The following SECISBP2 variants were observed in gnomAD, a reference collection of about 807,000 sequenced individuals.
The protein encoded by SECISBP2 is selenocysteine insertion sequence-binding protein 2.
Under a neutral mutation model 98.2 loss-of-function variants are expected in SECISBP2, and 96 were observed. The observed-to-expected ratio is 0.98, with a 90% CI of 0.83 to 1.16. The LOEUF (loss-of-function observed/expected upper bound fraction) is 1.16. SECISBP2 is among the 50% of genes most tolerant of loss of function. The probability of loss-of-function intolerance (pLI) is 0.00; values close to 1 mark genes in which losing one functional copy is unlikely to be tolerated. For synonymous variants in SECISBP2, 407 were observed against 370.2 expected, an observed-to-expected ratio of 1.10 and a Z score of -1.14; for missense variants, 1,046 against 1,022.9, an observed-to-expected ratio of 1.02 and a Z score of -0.31.
At position 89,349,917 on chromosome 9, in the gene SECISBP2, G is replaced by A. The variant is rs149816537; in HGVS notation, c.1880G>A (p.Arg627His). Reference sequence around the variant, plus strand: ...ACCACCTTCCCTAAGATCCACAGCCGCAGATTCAGGGAGTGAGTGAGCCCC... The same window carrying A: ...ACCACCTTCCCTAAGATCCACAGCCACAGATTCAGGGAGTGAGTGAGCCCC... ...NHTTFPKIHS[R>H]RFRDYCSQML... The change falls in exon 13 of 17, where the codon CGC becomes CAC. Residue 627 changes from arginine to histidine, a missense_variant. Physicochemically the swap from Arg to His is conservative, Grantham distance 29. Transcript: ENST00000375807. The A allele has an allele frequency of 7.1e-5, 115 of 1,614,040 alleles. No homozygotes were observed. The highest frequency in any genetic ancestry group is 2.4e-4 in the South Asian group (22 of 91,084).
In SECISBP2 at chr9:89,345,587, G is replaced by A. The variant is rs147381054; in HGVS notation, c.1436-1295G>A. 2.6e-3 allele frequency among the ~76,000 whole-genome samples: 398 copies of A among 152,318 alleles called. 1 individual carries two copies. Among genetic ancestry groups the A allele is most frequent in the Non-Finnish European group, 4.7e-3 (320 of 68,022 alleles). Reference sequence around the variant, plus strand: ...TTGAACTTCGTGGTTGTTTTTGTGGGAGGGAATGGTTGATCTTCCTCTGTT... The same window carrying A: ...TTGAACTTCGTGGTTGTTTTTGTGGAAGGGAATGGTTGATCTTCCTCTGTT... On this transcript the variant is annotated intron_variant, in intron 10 of 16. Coordinates refer to ENST00000375807, the MANE Select transcript of SECISBP2 (RefSeq NM_024077.5).
chr9:89,325,787 A>T, intron 3 of SECISBP2, 110 bp from the exon 4 acceptor site: 1 of 1,591,458 alleles, frequency 6.3e-7, no homozygotes, highest in Non-Finnish European at 8.6e-7. Context: ...ATTTTTTTGT[A>T]TTTAACCTTT....
chr9:89,334,742 T>A lies in SECISBP2; in HGVS notation c.1089+12T>A. ...ATCCTACCCAAAAGGTACGTGTCACTAGAGACAGAAAGTAGGATGGTGGTT... is the reference window on the plus strand; with the variant it reads ...ATCCTACCCAAAAGGTACGTGTCACAAGAGACAGAAAGTAGGATGGTGGTT... On this transcript the variant is annotated intron_variant, in intron 7 of 16. Coordinates refer to ENST00000375807, the MANE Select transcript of SECISBP2 (RefSeq NM_024077.5). 1 of 1,600,558 alleles carries A rather than the reference T, an allele frequency of 6.2e-7. No individual in the cohort carries two copies. The highest frequency in any genetic ancestry group is 2.2e-5 in the East Asian group (1 of 44,800).
chr9:89,366,464 C>T, the SECISBP2 span, among the ~76,000 whole-genome samples: 1 of 152,182 alleles, frequency 6.6e-6, no homozygotes. Flanking sequence ...CCATCTGGCC[C>T]TGGCCTGGTG....
chr9:89,318,955 G>A (rs1825197654), intron 1 of SECISBP2: 2 of 1,140,958 alleles, frequency 1.8e-6, no homozygotes, highest in African/African-American at 1.6e-5. Context: ...TGTTTTAAAG[G>A]ATCCTGCGTT....
chr9:89,350,830 C>T lies in SECISBP2; in HGVS notation c.2091C>T (p.Asn697=). The T allele has an allele frequency of 6.2e-7, 1 of 1,614,080 alleles. No homozygotes were observed. Among genetic ancestry groups the T allele is most frequent in the Non-Finnish European group, 8.5e-7 (1 of 1,179,928 alleles). The change falls in exon 14 of 17, where the codon AAC becomes AAT. Residue 697 remains asparagine (N), a synonymous_variant. Transcript: ENST00000375807. ...KKLKCVIISP[N]CEKIQSKGGL... is the part of the protein sequence containing the mutation. ...TGAAATGTGTCATTATTTCTCCCAA[C>T]TGTGAGAAGATACAGTCAAAAGGTA...
downstream of SECISBP2, among the ~76,000 whole-genome samples, chr9:89,363,075 G>C (rs1832955848): frequency 6.6e-6 from 1 of 152,228 alleles, no homozygotes; most frequent in Non-Finnish European, 1.5e-5. Context: ...CATCTGTCCA[G>C]GTTTCCTGCC....
chr9:89,344,867 C>T (rs1428087987), intron 10 of SECISBP2, among the ~76,000 whole-genome samples: 1 of 152,082 alleles, frequency 6.6e-6, no homozygotes, highest in African/African-American at 2.4e-5. Flanking sequence ...GGAACTGCTA[C>T]TTTATACAGC....
Position 89,334,447 on chromosome 9 carries a change from A to G in SECISBP2, c.881-75A>G, listed in dbSNP as rs552665403. ...ATGCTCTGAGCAGTTACCTCATGTA[A>G]TGCATGTTTGAGTAACTAAGGAATT... is the stretch of plus-strand genomic sequence containing the variant. On this transcript the variant is annotated intron_variant, in intron 6 of 16. Transcript: ENST00000375807. 249 of 1,188,440 alleles carry G rather than the reference A, an allele frequency of 2.1e-4. 2 individuals carry two copies. In the South Asian group the frequency reaches 2.8e-3, roughly 13 times the overall value. The allele number at this position is 1,188,440 out of a possible 1,614,324, so 73.6% of individuals were successfully genotyped here.
At chr9:89,323,878 A>G (rs1333207617) in intron 2 of SECISBP2, 1 of 152,222 alleles carries the variant, frequency 6.6e-6, no homozygotes, top group African/African-American at 2.4e-5. Flanking sequence ...CAGAAACCCA[A>G]ATGACTTACC....
intron 14 of SECISBP2, among the ~76,000 whole-genome samples, chr9:89,351,605 C>T (rs932576090): frequency 6.6e-6 from 1 of 152,162 alleles, no homozygotes; most frequent in Admixed American, 6.5e-5. Flanking sequence ...TTACGGAGTC[C>T]CACTTTGAGA....
chr9:89,364,066 G>A (rs1306567418), downstream of SECISBP2: 6 of 1,591,482 alleles, frequency 3.8e-6, no homozygotes, highest in Non-Finnish European at 5.1e-6. Context: ...AGTGACTTGG[G>A]ACAACTTCCA....
chr9:89,362,258 TG>T (rs1832815426), downstream of SECISBP2: 4 of 1,397,600 alleles, frequency 2.9e-6, no homozygotes, highest in South Asian at 4.7e-5. Flanking sequence ...CATCAGGTGG[TG>T]GCCCAATGGC....
chr9:89,319,547 G>A, intron 1 of SECISBP2, 105 bp from the exon 2 acceptor site: 2 of 1,291,594 alleles, frequency 1.5e-6, no homozygotes, highest in Non-Finnish European at 2.2e-6. Flanking sequence ...AAACAACATC[G>A]GGAACATTTC....
chr9:89,364,555 T>G (rs968025239), downstream of SECISBP2: 1 of 162,944 alleles, frequency 6.1e-6, no homozygotes, highest in African/African-American at 2.4e-5. Flanking sequence ...GACTGCCGAG[T>G]GCAGCACATC....
intron 9 of SECISBP2, among the ~76,000 whole-genome samples, chr9:89,340,993 C>T (rs1325114708): frequency 6.6e-6 from 1 of 152,104 alleles, no homozygotes; most frequent in Non-Finnish European, 1.5e-5. Context: ...GCTAATGAGG[C>T]GATAGTACTA....
At chr9:89,347,090 T>A in intron 11 of SECISBP2, 42 bp downstream of exon 11, 1 of 1,591,190 alleles carries the variant, frequency 6.3e-7, no homozygotes, top group African/African-American at 1.3e-5. Context: ...CTAGAAAACT[T>A]AGTCTCACAT....
chr9:89,365,072 C>CAG, the SECISBP2 span: 1 of 152,304 alleles, frequency 6.6e-6, no homozygotes, highest in African/African-American at 2.4e-5. Flanking sequence ...ACTCCCTGTT[C>CAG]TTACTGAAGG....
intron 2 of SECISBP2, chr9:89,325,089 G>A: frequency 2.9e-6 from 1 of 343,016 alleles, no homozygotes; most frequent in Non-Finnish European, 5.5e-6. Context: ...GCAGCAGAGA[G>A]AATGGTCTTT....
Sources: allele counts gnomAD v4.1 joint callset (sites outside exome capture counted in the v4.1 genomes callset), GRCh38; gene constraint gnomAD v4.1.1; transcripts MANE v1.5; gene names NCBI Gene and HGNC (gene_info 2026-07-23, HGNC 2026-07-21).